Variants in LIPA observed in about 807,000 individuals in gnomAD.
LIPA encodes lysosomal acid lipase/cholesteryl ester hydrolase.
Under a neutral mutation model 40.6 loss-of-function variants are expected in LIPA, and 26 were observed. The observed-to-expected ratio is 0.64, with a 90% CI of 0.47 to 0.89. The LOEUF (loss-of-function observed/expected upper bound fraction) is 0.89, where lower values mean the gene tolerates loss of function less well. LIPA is among the 40% of genes least tolerant of loss of function. LIPA has a pLI of 0.00. For synonymous variants in LIPA, 188 were observed against 168.4 expected (o/e 1.12, Z -0.90); for missense variants, 455 against 479.6 (o/e 0.95, Z 0.48).
chr10:89,216,739 C>A (rs1842632447), intron 8 of LIPA, among the ~76,000 whole-genome samples: 1 of 152,084 alleles, frequency 6.6e-6, no homozygotes, highest in African/African-American at 2.4e-5. Flanking sequence ...ACTTGAGTAT[C>A]TGTGAATTTT....
At chr10:89,306,233 A>T (rs766550095) in intron 1 of LIPA, 1 of 1,614,168 alleles carries the variant, frequency 6.2e-7, no homozygotes, top group South Asian at 1.1e-5. Flanking sequence ...AGAAATCAGA[A>T]GTCTGGTCAC....
At chr10:89,343,195 G>A (rs1046088934), upstream of LIPA, among the ~76,000 whole-genome samples, 1 of 152,214 alleles carries the variant, frequency 6.6e-6, no homozygotes, top group African/African-American at 2.4e-5. Context: ...AGAGCCTTCA[G>A]AAATGAAGAC....
Position 89,293,059 on chromosome 10 carries a change from CA to C in LIPA, c.-1-45411del, listed in dbSNP as rs141506117. Reference sequence around the variant, plus strand: ...CTCAAATTATAATCCCCATAATCCTCATGTGTCAAGGGCAGGACCTGATGGG... The same window carrying C: ...CTCAAATTATAATCCCCATAATCCTCTGTGTCAAGGGCAGGACCTGATGGG... On this transcript the variant is annotated intron_variant, in intron 1 of 5. Coordinates refer to the LIPA transcript ENST00000282673. 1.7e-3 allele frequency among the ~76,000 whole-genome samples: 255 copies of C among 152,284 alleles called. 1 individual carries two copies. The East Asian group carries it at 0.026, about 15-fold the overall frequency.
At chr10:89,347,203 AG>A (rs887992135), upstream of LIPA, among the ~76,000 whole-genome samples, 2 of 152,202 alleles carry the variant, frequency 1.3e-5, no homozygotes, top group Non-Finnish European at 2.9e-5. Context: ...GGTTTCCAAG[AG>A]GGCCGGTAGA....
chr10:89,376,998 C>T (rs1418223688), intron 2 of LIPA, among the ~76,000 whole-genome samples: 2 of 152,200 alleles, frequency 1.3e-5, no homozygotes, highest in Non-Finnish European at 2.9e-5. Context: ...AGGGAAATCG[C>T]TCTCAGTCTT....
At chr10:89,317,307 C>A (rs1467750754) in intron 1 of LIPA, among the ~76,000 whole-genome samples, 1 of 152,144 alleles carries the variant, frequency 6.6e-6, no homozygotes, top group East Asian at 1.9e-4. Context: ...GGCAAAGAAG[C>A]TAATAACCTT....
intron 1 of LIPA, among the ~76,000 whole-genome samples, chr10:89,260,408 G>C (rs1001188555): frequency 3.3e-5 from 5 of 152,198 alleles, no homozygotes; most frequent in Non-Finnish European, 7.3e-5. Context: ...GCGAGAAGCT[G>C]GGGAACCTGA....
intron 1 of LIPA, among the ~76,000 whole-genome samples, chr10:89,276,083 G>A (rs1843287782): frequency 6.6e-6 from 1 of 152,184 alleles, no homozygotes; most frequent in African/African-American, 2.4e-5. Context: ...GGTAGGCTCT[G>A]GATAGGGCTG....
intron 1 of LIPA, among the ~76,000 whole-genome samples, chr10:89,329,171 G>A (rs550912224): frequency 6.6e-6 from 1 of 152,134 alleles, no homozygotes; most frequent in Non-Finnish European, 1.5e-5. Context: ...GACCATTCAG[G>A]GGGGCAGAAA....
Position 89,348,826 on chromosome 10 carries a change from A to T in LIPA, c.61+63965T>A, listed in dbSNP as rs141740376. 2.6e-5 allele frequency among the ~76,000 whole-genome samples: 4 copies of T among 152,338 alleles called. No individual in the cohort carries two copies. The East Asian group carries it at 7.7e-4, about 29-fold the overall frequency. Reference sequence around the variant, plus strand: ...GCCTGCGTGGGGGTCCTGGCAGGCCACTAAGAAGGAGTCCCTGCTCCATCT... The same window carrying T: ...GCCTGCGTGGGGGTCCTGGCAGGCCTCTAAGAAGGAGTCCCTGCTCCATCT... On this transcript the variant is annotated intron_variant, in intron 2 of 8. Transcript: ENST00000371837.
chr10:89,303,092 T>G (rs930549843), intron 1 of LIPA, among the ~76,000 whole-genome samples: 1 of 152,238 alleles, frequency 6.6e-6, no homozygotes, highest in Non-Finnish European at 1.5e-5. Flanking sequence ...TTTTCTTATT[T>G]CTTAGAATTT....
In LIPA at chr10:89,387,635, G is replaced by A. The variant is rs569442021; in HGVS notation, c.61+25156C>T. On this transcript the variant is annotated intron_variant, in intron 2 of 8. Transcript: ENST00000371837. ...GCCAGACTTCTCTGTGTTTGTTTTT[G>A]CAACCATGTCAATATTTTGCCTAAT... Among the ~76,000 whole-genome samples the A allele has an allele frequency of 1.1e-4, 17 of 152,288 alleles. 2 individuals are homozygous for A. The highest frequency in any genetic ancestry group is 3.8e-4 in the African/African-American group (16 of 41,568).
chr10:89,384,571 A>C lies in LIPA; in HGVS notation c.61+28220T>G. The stretch of plus-strand genomic sequence containing the variant: ...GTCCCATTCCAGGGAAAAACTTCTC[A>C]ATGCTTTAGAGAAATTGGCTAAAAG... On this transcript the variant is annotated intron_variant, in intron 2 of 8. Transcript: ENST00000371837. 3 of 1,614,186 alleles carry C rather than the reference A, an allele frequency of 1.9e-6. No homozygotes were observed. The East Asian group carries it at 6.7e-5, about 36-fold the overall frequency.
chr10:89,370,608 T>C (rs1391692777), intron 2 of LIPA, among the ~76,000 whole-genome samples: 1 of 152,106 alleles, frequency 6.6e-6, no homozygotes, highest in Admixed American at 6.6e-5. Flanking sequence ...CTATTGCCAT[T>C]TGGGGCCAGA....
chr10:89,354,314 CTG>C (rs1843978127), intron 2 of LIPA, among the ~76,000 whole-genome samples: 2 of 152,324 alleles, frequency 1.3e-5, no homozygotes, highest in African/African-American at 2.4e-5. Context: ...CTTACATGTA[CTG>C]ATTGATGTCT....
intron 2 of LIPA, among the ~76,000 whole-genome samples, chr10:89,377,365 C>G (rs1267137379): frequency 2.0e-5 from 3 of 152,226 alleles, no homozygotes; most frequent in Non-Finnish European, 4.4e-5. Context: ...ATATGTTTCT[C>G]TACTGACCAG....
At chr10:89,326,018 T>TAAC (rs1216670250) in intron 1 of LIPA, among the ~76,000 whole-genome samples, 1 of 152,148 alleles carries the variant, frequency 6.6e-6, no homozygotes, top group Non-Finnish European at 1.5e-5. Flanking sequence ...CTACTATGGA[T>TAAC]AACAGTTCGG....
chr10:89,386,919 T>C (rs1036850587), intron 2 of LIPA, among the ~76,000 whole-genome samples: 22 of 151,668 alleles, frequency 1.5e-4, no homozygotes, highest in Admixed American at 6.6e-4. Context: ...ATCTACTTAA[T>C]AGAGTTTATG....
At chr10:89,373,322 G>T (rs1426317688) in intron 2 of LIPA, among the ~76,000 whole-genome samples, 1 of 122,996 alleles carries the variant, frequency 8.1e-6, no homozygotes, top group Non-Finnish European at 1.6e-5. Context: ...GCGACAGAGC[G>T]AGACTCCCTC....
Sources: allele counts gnomAD v4.1 joint callset (sites outside exome capture counted in the v4.1 genomes callset), GRCh38; gene constraint gnomAD v4.1.1; transcripts MANE v1.5; gene names NCBI Gene and HGNC (gene_info 2026-07-23, HGNC 2026-07-21).